SNX8: variants seen among roughly 807,000 people sequenced by gnomAD.
SNX8 encodes sorting nexin 8.
Under a neutral mutation model 51.6 loss-of-function variants are expected in SNX8, and 25 were observed. The ratio of observed to expected loss-of-function variants is 0.48; its 90% confidence interval spans 0.35 to 0.68. SNX8 has a LOEUF of 0.68. SNX8 is among the 30% of genes least tolerant of loss of function. The probability of loss-of-function intolerance (pLI) is 0.00; values close to 1 mark genes in which losing one functional copy is unlikely to be tolerated. For missense variants in SNX8, 695 were observed against 624.0 expected, an observed-to-expected ratio of 1.11 and a Z score of -1.21; for synonymous variants, 324 against 277.0, an observed-to-expected ratio of 1.17 and a Z score of -1.68.
At chr7:2,286,962 A>C (rs182321866) in intron 1 of SNX8, among the ~76,000 whole-genome samples, 1 of 151,510 alleles carries the variant, frequency 6.6e-6, no homozygotes, top group Non-Finnish European at 1.5e-5. Context: ...AACATGGTGA[A>C]ACTCCATCTC....
At chr7:2,352,901 G>C (rs1474494930) in intron 1 of SNX8, among the ~76,000 whole-genome samples, 2 of 152,108 alleles carry the variant, frequency 1.3e-5, no homozygotes. Flanking sequence ...GAGGCATTAA[G>C]TGACCTGCCC....
chr7:2,318,247 A>C (rs1796785006), upstream of SNX8, among the ~76,000 whole-genome samples: 1 of 152,056 alleles, frequency 6.6e-6, no homozygotes, highest in Admixed American at 6.6e-5. Context: ...TAGATTATAA[A>C]ATATTTACTT....
chr7:2,267,194 A>G (rs911442753), intron 5 of SNX8, among the ~76,000 whole-genome samples: 6 of 152,272 alleles, frequency 3.9e-5, no homozygotes, highest in Non-Finnish European at 1.5e-5. Context: ...GACAGATGTC[A>G]GCATAATCCC....
chr7:2,260,519 G>C (rs1795310043), intron 7 of SNX8, among the ~76,000 whole-genome samples: 1 of 152,158 alleles, frequency 6.6e-6, no homozygotes, highest in Non-Finnish European at 1.5e-5. Context: ...CCAAGGCGAA[G>C]ATCCCGTCAC....
At chr7:2,279,508 T>G (rs1412338780) in intron 1 of SNX8, among the ~76,000 whole-genome samples, 1 of 152,072 alleles carries the variant, frequency 6.6e-6, no homozygotes, top group Non-Finnish European at 1.5e-5. Context: ...TCCTGGGACT[T>G]GGGGAGACCG....
chr7:2,341,549 A>G (rs1259831959), intron 1 of SNX8, among the ~76,000 whole-genome samples: 4 of 151,888 alleles, frequency 2.6e-5, no homozygotes, highest in Non-Finnish European at 5.9e-5. Context: ...GCTTACACCC[A>G]CAGTCCTAGC....
At position 2,328,922 on chromosome 7, in the gene SNX8, A is replaced by T. The variant is rs564003520; in HGVS notation, c.-66+25300T>A. Among the ~76,000 whole-genome samples, 633 of 152,178 alleles carry T rather than the reference A, an allele frequency of 4.2e-3. 3 individuals carry two copies. Among genetic ancestry groups the T allele is most frequent in the African/African-American group, 0.015 (605 of 41,548 alleles). On this transcript the variant is annotated intron_variant, in intron 1 of 5. Coordinates refer to the SNX8 transcript ENST00000435336. ...AACATGGTGAAACCCCGTCTCTACT[A>T]AAAATACAAAAAAGTTAGCCGGGCG...
At chr7:2,258,689 T>G (rs1298951718) in intron 7 of SNX8, among the ~76,000 whole-genome samples, 2 of 151,972 alleles carry the variant, frequency 1.3e-5, no homozygotes, top group East Asian at 3.9e-4. Flanking sequence ...AGGAAGGACG[T>G]GCTGCTGATC....
chr7:2,266,207 CAA>C (rs1795460212), intron 5 of SNX8, among the ~76,000 whole-genome samples: 1 of 152,070 alleles, frequency 6.6e-6, no homozygotes, highest in Admixed American at 6.6e-5. Context: ...GTCTTTGACA[CAA>C]AGTCTCACTC....
rs747041574 is a variant in SNX8 at position 2,257,713 on chromosome 7, C to A, written c.984+22G>T. 11 of 1,610,984 alleles carry A rather than the reference C, an allele frequency of 6.8e-6. No individual in the cohort carries two copies. In the South Asian group the frequency reaches 1.2e-4, roughly 18 times the overall value. ...TCATTCCTGAAAGTTCTGCCCCCAG[C>A]CAAGGAGCAGCCAAGACTCACCTTA... is the stretch of plus-strand genomic sequence containing the variant. On this transcript the variant is annotated intron_variant, in intron 8 of 10. Coordinates refer to ENST00000222990, the MANE Select transcript of SNX8 (RefSeq NM_013321.4).
intron 1 of SNX8, among the ~76,000 whole-genome samples, chr7:2,285,294 CA>C (rs1796002665): frequency 1.3e-5 from 2 of 151,556 alleles, no homozygotes; most frequent in South Asian, 4.2e-4. Flanking sequence ...GAGGCTGAGG[CA>C]GGAGAATTGC....
intron 4 of SNX8, among the ~76,000 whole-genome samples, chr7:2,270,259 G>C (rs1416996566): frequency 8.4e-6 from 1 of 119,522 alleles, no homozygotes; most frequent in Admixed American, 1.2e-4. Context: ...GCGTGTCCAG[G>C]AATTCTCAGG....
intron 1 of SNX8, among the ~76,000 whole-genome samples, chr7:2,286,610 C>G (rs896711875): frequency 9.2e-5 from 14 of 151,398 alleles, no homozygotes; most frequent in African/African-American, 3.4e-4. Context: ...CTCCACCTCC[C>G]GGGGTTCACG....
At chr7:2,292,232 C>A (rs530811380) in intron 1 of SNX8, among the ~76,000 whole-genome samples, 2 of 152,062 alleles carry the variant, frequency 1.3e-5, no homozygotes, top group East Asian at 3.9e-4. Flanking sequence ...CATTGTACTC[C>A]AGCCTGGGCA....
In SNX8 at chr7:2,252,257, C is replaced by T. The variant is rs1221472589; in HGVS notation, c.*2799G>A. 2.0e-5 allele frequency: 3 copies of T among 151,954 alleles called. No homozygotes were observed. The highest frequency in any genetic ancestry group is 2.9e-5 in the Non-Finnish European group (2 of 68,100). The allele number at this position is 151,954 out of a possible 1,614,324, so 9.4% of individuals were successfully genotyped here. ...CTAGGCAAGGCCGTAATGACCGGCA[C>T]AAGCTTGGGCTTGGGCCGTGGGCAG... On this transcript the variant is annotated 3_prime_UTR_variant, in exon 11 of 11. Coordinates refer to ENST00000222990, the MANE Select transcript of SNX8 (RefSeq NM_013321.4).
At chr7:2,312,951 G>A (rs781121575) in intron 1 of SNX8, among the ~76,000 whole-genome samples, 4 of 152,092 alleles carry the variant, frequency 2.6e-5, no homozygotes, top group Non-Finnish European at 5.9e-5. Flanking sequence ...AGGCTGGAGT[G>A]CAGTGGCGCT....
chr7:2,259,266 G>T (rs1284325559), intron 7 of SNX8, among the ~76,000 whole-genome samples: 1 of 152,158 alleles, frequency 6.6e-6, no homozygotes, highest in Non-Finnish European at 1.5e-5. Flanking sequence ...AGGTATCCTG[G>T]GGAAACCCCC....
intron 1 of SNX8, among the ~76,000 whole-genome samples, chr7:2,344,766 C>G (rs1000897986): frequency 6.6e-6 from 1 of 151,214 alleles, no homozygotes; most frequent in East Asian, 2.0e-4. Flanking sequence ...ACCAACAACA[C>G]GAAAATTAGC....
chr7:2,288,300 A>C (rs1321828230), intron 1 of SNX8: 1 of 150,900 alleles, frequency 6.6e-6, no homozygotes. Flanking sequence ...CTGTGAGCCG[A>C]GATCGCACCA....
Sources: gnomAD v4.1 joint callset for allele counts (sites outside exome capture counted in the v4.1 genomes callset) on GRCh38, gnomAD v4.1.1 for gene constraint, MANE v1.5 for transcripts, NCBI Gene and HGNC (gene_info 2026-07-23, HGNC 2026-07-21) for gene names.